FMNL2: variants seen among roughly 807,000 people sequenced by gnomAD.
FMNL2 encodes the protein formin-like protein 2.
In FMNL2, 51 loss-of-function variants were observed where a neutral mutation model predicts 130.2. That is an observed-to-expected ratio of 0.39 (90% CI 0.31 to 0.49). The LOEUF is 0.49. Ranked by LOEUF, FMNL2 falls within the 20% of genes least tolerant of loss-of-function variation. The pLI is 0.85. For synonymous variants in FMNL2, 465 were observed against 467.1 expected (o/e 1.00, Z 0.06); for missense variants, 977 against 1,316.2 (o/e 0.74, Z 3.99).
In FMNL2 at chr2:152,357,656, A is replaced by C. The variant is rs181475777; in HGVS notation, c.117+21936A>C. Among the ~76,000 whole-genome samples, 239 of 150,784 alleles carry C rather than the reference A, an allele frequency of 1.6e-3. 1 individual carries two copies. The highest frequency in any genetic ancestry group is 3.8e-3 in the South Asian group (18 of 4,764). On this transcript the variant is annotated intron_variant, in intron 1 of 25. Transcript: ENST00000288670. ...AAATCAGTTTAATGTATAACGATAA[A>C]TATTAAATCAGTTTAATGTATAACT...
At chr2:152,369,805 TTC>T (rs1177811259) in intron 1 of FMNL2, among the ~76,000 whole-genome samples, 1 of 152,264 alleles carries the variant, frequency 6.6e-6, no homozygotes, top group Non-Finnish European at 1.5e-5. Context: ...TTGACTTTTC[TTC>T]TTTCTTTTTA....
intron 1 of FMNL2, among the ~76,000 whole-genome samples, chr2:152,479,207 T>C (rs1299092990): frequency 6.6e-6 from 1 of 152,116 alleles, no homozygotes; most frequent in Non-Finnish European, 1.5e-5. Context: ...CACTGCAGCC[T>C]CGAACTCCTG....
At chr2:152,640,980 G>A (rs1683036898) in intron 25 of FMNL2, 66 bp downstream of exon 25, 1 of 1,592,696 alleles carries the variant, frequency 6.3e-7, no homozygotes, top group African/African-American at 1.4e-5. Context: ...TGGGATGCAT[G>A]CAGATTTTGC....
At chr2:152,536,418 C>A (rs1043738025) in intron 2 of FMNL2, among the ~76,000 whole-genome samples, 43 of 152,134 alleles carry the variant, frequency 2.8e-4, no homozygotes, top group Non-Finnish European at 5.9e-5. Context: ...AATATTGGCT[C>A]ATTTAGAGAC....
intron 9 of FMNL2, among the ~76,000 whole-genome samples, chr2:152,600,573 A>C (rs1697997054): frequency 1.3e-5 from 2 of 152,154 alleles, no homozygotes; most frequent in South Asian, 4.2e-4. Flanking sequence ...TCTCCTCTCC[A>C]CTATTAGCCT....
intron 10 of FMNL2, among the ~76,000 whole-genome samples, chr2:152,608,347 TAACCC>T (rs1698489077): frequency 1.6e-5 from 2 of 123,438 alleles, no homozygotes; most frequent in African/African-American, 6.3e-5. Context: ...TGCAGATTTC[TAACCC>T]TTTTTGTGAA....
chr2:152,396,315 T>A (rs776171584), intron 1 of FMNL2, among the ~76,000 whole-genome samples: 14 of 152,238 alleles, frequency 9.2e-5, no homozygotes, highest in Non-Finnish European at 1.6e-4. Context: ...CTATTTGGGC[T>A]GAACTGACTT....
chr2:152,553,611 G>A (rs933274182), intron 4 of FMNL2, among the ~76,000 whole-genome samples: 6 of 144,306 alleles, frequency 4.2e-5, no homozygotes, highest in Non-Finnish European at 9.1e-5. Context: ...ATAAGCTTTT[G>A]TTTAGATGTG....
At position 152,453,929 on chromosome 2, in the gene FMNL2, A is replaced by G. The variant is rs1326042272; in HGVS notation, c.118-68014A>G. ...ATGAAAAACACTTTAGAAAGCTTAG[A>G]TACCTCAGGTATTGTATTGTGGGGG... On this transcript the variant is annotated intron_variant, in intron 1 of 25. Transcript: ENST00000288670. Among the ~76,000 whole-genome samples the G allele has an allele frequency of 3.9e-5, 6 of 152,312 alleles. No individual in the cohort carries two copies. In the East Asian group the frequency reaches 9.6e-4, roughly 24 times the overall value.
intron 9 of FMNL2, among the ~76,000 whole-genome samples, chr2:152,602,360 T>C (rs1358249378): frequency 2.0e-5 from 3 of 152,236 alleles, no homozygotes. Flanking sequence ...GTACATACTT[T>C]TCCAGGGCAT....
intron 7 of FMNL2, among the ~76,000 whole-genome samples, chr2:152,575,982 G>C (rs1696456130): frequency 6.6e-6 from 1 of 152,156 alleles, no homozygotes; most frequent in Non-Finnish European, 1.5e-5. Context: ...ACAACAAAGT[G>C]GAAGTTAGAG....
intron 1 of FMNL2, among the ~76,000 whole-genome samples, chr2:152,452,751 C>A (rs1317563859): frequency 7.3e-6 from 1 of 137,396 alleles, no homozygotes; most frequent in Non-Finnish European, 1.7e-5. Flanking sequence ...CCTTTGCATA[C>A]CTTTGTCGAG....
chr2:152,424,533 GGCGT>G (rs1331634737), intron 1 of FMNL2, among the ~76,000 whole-genome samples: 2 of 152,074 alleles, frequency 1.3e-5, no homozygotes, highest in Non-Finnish European at 2.9e-5. Flanking sequence ...TGGGATTACA[GGCGT>G]GCGCCACCAT....
At chr2:152,633,911 C>T (rs1012285378) in intron 21 of FMNL2, among the ~76,000 whole-genome samples, 1 of 152,198 alleles carries the variant, frequency 6.6e-6, no homozygotes, top group South Asian at 2.1e-4. Flanking sequence ...GGTTGCCCAA[C>T]ACAGATTCTG....
At chr2:152,637,733 G>C (rs1482507568) in intron 23 of FMNL2, 59 bp downstream of exon 23, 2 of 1,479,108 alleles carry the variant, frequency 1.4e-6, no homozygotes, top group African/African-American at 2.8e-5. Context: ...CTTGAGATGT[G>C]TCTGAGTCCC....
intron 1 of FMNL2, among the ~76,000 whole-genome samples, chr2:152,481,049 G>A (rs1164524885): frequency 6.6e-6 from 1 of 152,324 alleles, no homozygotes; most frequent in East Asian, 1.9e-4. Flanking sequence ...CAGATTTGAA[G>A]CATATGTATG....
At chr2:152,472,413 C>A (rs1055789155) in intron 1 of FMNL2, among the ~76,000 whole-genome samples, 3 of 152,060 alleles carry the variant, frequency 2.0e-5, no homozygotes. Flanking sequence ...AGATTTTTTT[C>A]TTTTAAAAGA....
intron 1 of FMNL2, among the ~76,000 whole-genome samples, chr2:152,361,426 T>C (rs1683168627): frequency 6.6e-6 from 1 of 152,228 alleles, no homozygotes; most frequent in African/African-American, 2.4e-5. Context: ...CAATATACTC[T>C]TTCACCTTGC....
At chr2:152,463,379 C>T (rs541806272) in intron 1 of FMNL2, among the ~76,000 whole-genome samples, 2 of 152,162 alleles carry the variant, frequency 1.3e-5, no homozygotes, top group African/African-American at 4.8e-5. Flanking sequence ...GGTTCAGTGA[C>T]TTGCTGAAGG....
Sources: gnomAD v4.1 joint callset for allele counts (sites outside exome capture counted in the v4.1 genomes callset) on GRCh38, gnomAD v4.1.1 for gene constraint, MANE v1.5 for transcripts, NCBI Gene and HGNC (gene_info 2026-07-23, HGNC 2026-07-21) for gene names.